LGALS14: variants seen among roughly 807,000 people sequenced by gnomAD.
LGALS14 encodes the protein galectin 14.
LGALS14 carries 14 observed loss-of-function variants against 14.6 expected under a neutral mutation model. The ratio of observed to expected loss-of-function variants is 0.96; its 90% CI spans 0.64 to 1.50. LGALS14 has a LOEUF of 1.50. Ranked by LOEUF, LGALS14 falls within the 40% of genes most tolerant of loss-of-function variation. LGALS14 has a pLI of 0.00. For synonymous variants in LGALS14, 57 were observed against 63.9 expected (o/e 0.89, Z 0.51); for missense variants, 180 against 172.0 (o/e 1.05, Z -0.26).
rs533547450 is a variant in LGALS14 at position 39,705,920 on chromosome 19, C to T, written c.16-677C>T. The stretch of plus-strand genomic sequence containing the variant: ...ATTCCCTCCAGTTATGTCCCTGACC[C>T]ACAGGCTTCATTTGTGCAAGTACTG... On this transcript the variant is annotated intron_variant, in intron 1 of 3. Transcript: ENST00000392052. The T allele has an allele frequency of 3.9e-5, 63 of 1,613,716 alleles. 1 individual carries two copies. The South Asian group carries it at 5.4e-4, about 14-fold the overall frequency.
At chr19:39,705,102 G>T (rs191736919) in intron 1 of LGALS14, among the ~76,000 whole-genome samples, 14 of 152,316 alleles carry the variant, frequency 9.2e-5, no homozygotes, top group Admixed American at 7.2e-4. Flanking sequence ...TGAAGCACCT[G>T]TGTGTCTTTT....
chr19:39,707,334 TG>T lies in LGALS14; in HGVS notation c.250del (p.Glu84LysfsTer19), dbSNP rs1216945766. ...AGGAGAAATGCTACTATTTACCCTT[TG>T]AAGATGGCAAACCATTTGAGCTGTG... ...YEEKCYYLPF[E>X]DGKPFELCIY... On this transcript the variant is annotated frameshift_variant, in exon 3 of 4. Transcript: ENST00000392052. LOFTEE classifies it high-confidence loss of function. 2 of 1,614,156 alleles carry T rather than the reference TG, an allele frequency of 1.2e-6. No homozygotes were observed. Among genetic ancestry groups the T allele is most frequent in the Admixed American group, 1.7e-5 (1 of 60,032 alleles).
chr19:39,706,049 C>T lies in LGALS14; in HGVS notation c.16-548C>T, dbSNP rs745624365. The T allele has an allele frequency of 2.8e-5, 45 of 1,608,634 alleles. No homozygotes were observed. The Middle Eastern group carries it at 5.0e-4, about 18-fold the overall frequency. ...CACACACAGGGGTTTCCTGTTCTTT[C>T]GTCATTTCCCTTTCTCTTTCAACAA... On this transcript the variant is annotated intron_variant, in intron 1 of 3. Transcript: ENST00000392052.
In LGALS14 at chr19:39,707,340, T is replaced by C; in HGVS notation, c.255T>C (p.Asp85=). 6.2e-7 allele frequency: 1 copy of C among 1,614,124 alleles called. No homozygotes were observed. Among genetic ancestry groups the C allele is most frequent in the Non-Finnish European group, 8.5e-7 (1 of 1,179,958 alleles). ...EEKCYYLPFE[D]GKPFELCIYV... ...AATGCTACTATTTACCCTTTGAAGA[T>C]GGCAAACCATTTGAGCTGTGCATCT... Residue 85 remains aspartate (D), a synonymous_variant, in exon 3 of 4, where the codon GAT becomes GAC. Transcript: ENST00000392052.
intron 3 of LGALS14, among the ~76,000 whole-genome samples, chr19:39,707,871 G>T (rs28631884): frequency 6.6e-6 from 1 of 151,846 alleles, no homozygotes; most frequent in Non-Finnish European, 1.5e-5. Flanking sequence ...GTGCAGTGGC[G>T]TGATCACAGC....
chr19:39,708,519 A>G (rs1037041173), intron 3 of LGALS14, among the ~76,000 whole-genome samples: 4 of 152,238 alleles, frequency 2.6e-5, no homozygotes, highest in African/African-American at 9.6e-5. Context: ...AATTAACACT[A>G]AGAAGGTGAC....
intron 1 of LGALS14, among the ~76,000 whole-genome samples, chr19:39,706,199 C>G (rs1973712826): frequency 6.6e-6 from 1 of 152,104 alleles, no homozygotes; most frequent in Non-Finnish European, 1.5e-5. Flanking sequence ...TAGGTCACCC[C>G]TAATTGACCC....
chr19:39,704,661 T>C, intron 1 of LGALS14, 118 bp downstream of exon 1: 1 of 944,932 alleles, frequency 1.1e-6, no homozygotes, highest in Non-Finnish European at 1.7e-6. Context: ...TTACCGAGAG[T>C]TGTGGGTGTG....
chr19:39,707,126 G>C, intron 2 of LGALS14, 52 bp from the exon 3 acceptor site: 1 of 1,357,472 alleles, frequency 7.4e-7, no homozygotes, highest in Non-Finnish European at 1.1e-6. Context: ...TGGCGAGTGT[G>C]TGTCTGCACA....
intron 1 of LGALS14, chr19:39,705,758 T>A (rs1973704745): frequency 1.2e-6 from 1 of 820,406 alleles, no homozygotes; most frequent in Non-Finnish European, 1.9e-6. Flanking sequence ...TGTGTGAGGA[T>A]CACTGCAGTC....
chr19:39,706,021 T>C, intron 1 of LGALS14: 1 of 1,613,662 alleles, frequency 6.2e-7, no homozygotes, highest in Non-Finnish European at 8.5e-7. Context: ...TGCGTGTACA[T>C]CCCACACACA....
chr19:39,707,776 A>C (rs1247678849), intron 3 of LGALS14, among the ~76,000 whole-genome samples: 2 of 152,134 alleles, frequency 1.3e-5, no homozygotes, highest in African/African-American at 4.8e-5. Context: ...GAACACCATT[A>C]CTAGAGTTCT....
At chr19:39,707,454 T>G (rs1227990703) in intron 3 of LGALS14, 66 bp downstream of exon 3, 4 of 1,332,026 alleles carry the variant, frequency 3.0e-6, no homozygotes, top group Non-Finnish European at 4.3e-6. Context: ...GCAGCTTTCA[T>G]TGACCTGGTG....
intron 1 of LGALS14, 126 bp from the exon 2 acceptor site, chr19:39,706,471 G>C: frequency 1.4e-6 from 1 of 703,114 alleles, no homozygotes; most frequent in Non-Finnish European, 2.6e-6. Context: ...GACTGTGGTA[G>C]GGTGAAAGGG....
Position 39,707,352 on chromosome 19 carries a change from T to C in LGALS14, c.267T>C (p.Phe89=). ...TACCCTTTGAAGATGGCAAACCATT[T>C]GAGCTGTGCATCTATGTGCGTCACA... ...YYLPFEDGKP[F]ELCIYVRHKE... The change falls in exon 3 of 4, where the codon TTT becomes TTC. Residue 89 remains phenylalanine, a synonymous_variant. Transcript: ENST00000392052. 1 of 1,614,146 alleles carries C rather than the reference T, an allele frequency of 6.2e-7. No individual in the cohort carries two copies. Among genetic ancestry groups the C allele is most frequent in the Non-Finnish European group, 8.5e-7 (1 of 1,179,956 alleles).
At chr19:39,706,120 A>C in intron 1 of LGALS14, 1 of 1,450,866 alleles carries the variant, frequency 6.9e-7, no homozygotes, top group Non-Finnish European at 9.3e-7. Context: ...TTCACCCTCA[A>C]GTCTTGTTTT....
chr19:39,704,746 C>G (rs1438514975), intron 1 of LGALS14, among the ~76,000 whole-genome samples: 1 of 151,956 alleles, frequency 6.6e-6, no homozygotes, highest in Non-Finnish European at 1.5e-5. Flanking sequence ...CCAGTGTAAC[C>G]CTCTGTGAGG....
At chr19:39,706,770 G>T in intron 2 of LGALS14, 97 bp downstream of exon 2, 1 of 1,091,722 alleles carries the variant, frequency 9.2e-7, no homozygotes. Flanking sequence ...GAAAACTCTA[G>T]TTGGCATAAT....
At chr19:39,704,637 C>G in intron 1 of LGALS14, 94 bp downstream of exon 1, 1 of 1,198,042 alleles carries the variant, frequency 8.3e-7, no homozygotes, top group Middle Eastern at 1.9e-4. Flanking sequence ...ATGAGCATTC[C>G]TACTGTGAAT....
Sources: gnomAD v4.1 joint callset for allele counts (sites outside exome capture counted in the v4.1 genomes callset) on GRCh38, gnomAD v4.1.1 for gene constraint, MANE v1.5 for transcripts, NCBI Gene and HGNC (gene_info 2026-07-23, HGNC 2026-07-21) for gene names.